KDM5A: variants seen among roughly 807,000 people sequenced by gnomAD.
The protein encoded by KDM5A is lysine-specific demethylase 5A.
Under a neutral mutation model 193.5 loss-of-function variants are expected in KDM5A, and 42 were observed. The ratio of observed to expected loss-of-function variants is 0.22; its 90% confidence interval spans 0.17 to 0.28. KDM5A has a LOEUF of 0.28. KDM5A is among the 10% of genes least tolerant of loss of function. The pLI, the probability that KDM5A is intolerant of heterozygous loss-of-function variation, is 1.00. For synonymous variants in KDM5A, 796 were observed against 718.1 expected (o/e 1.11, Z -1.73); for missense variants, 1,692 against 2,055.1 (o/e 0.82, Z 3.42).
chr12:386,233 T>C lies in KDM5A; in HGVS notation c.166-259A>G, dbSNP rs193242460. ...TTCCATATTTTGGAATATCTGCATA[T>C]ACATAATGAGATATCTTGGAGAAAG... On this transcript the variant is annotated intron_variant, in intron 1 of 27. Transcript: ENST00000399788. 5.9e-5 allele frequency among the ~76,000 whole-genome samples: 9 copies of C among 152,342 alleles called. No individual in the cohort carries two copies. In the East Asian group the frequency reaches 1.5e-3, roughly 26 times the overall value.
intron 3 of KDM5A, among the ~76,000 whole-genome samples, chr12:381,720 G>GT (rs1373695734): frequency 1.3e-5 from 2 of 152,182 alleles, no homozygotes; most frequent in Admixed American, 6.5e-5. Context: ...GTATTTTAGC[G>GT]TAAGACCGTA....
At chr12:296,211 C>T (rs2137370871) in intron 25 of KDM5A, among the ~76,000 whole-genome samples, 1 of 151,596 alleles carries the variant, frequency 6.6e-6, no homozygotes, top group South Asian at 2.1e-4. Context: ...ATCCCAGCTA[C>T]TCGGGAGGCT....
chr12:291,204 T>C (rs947201096), intron 27 of KDM5A, among the ~76,000 whole-genome samples: 7 of 152,104 alleles, frequency 4.6e-5, no homozygotes, highest in African/African-American at 1.7e-4. Flanking sequence ...ACAAACGCCA[T>C]AGAAAAAAAT....
At chr12:311,508 G>T (rs536012323) in intron 20 of KDM5A, among the ~76,000 whole-genome samples, 3 of 151,762 alleles carry the variant, frequency 2.0e-5, no homozygotes, top group Admixed American at 2.0e-4. Context: ...AATTACAGAG[G>T]AAACACATGA....
At chr12:330,288 T>C (rs543548513) in intron 13 of KDM5A, among the ~76,000 whole-genome samples, 2 of 152,278 alleles carry the variant, frequency 1.3e-5, no homozygotes, top group East Asian at 1.9e-4. Flanking sequence ...TGATTATCCA[T>C]TGTAACTTAT....
chr12:372,725 G>C (rs964994061), intron 3 of KDM5A, among the ~76,000 whole-genome samples: 6 of 152,092 alleles, frequency 3.9e-5, no homozygotes, highest in African/African-American at 1.2e-4. Flanking sequence ...ATTGGCTGTG[G>C]GTTTGTCATA....
Position 285,456 on chromosome 12 carries a change from C to A in KDM5A, c.5073G>T (p.Ter1691TyrextTer5). ...LPMEDLKETS[*>Y] The stretch of plus-strand genomic sequence containing the variant: ...ATGTCCCAAACTAACCAAGCATCTG[C>A]TAACTGGTCTCTTTAAGATCCTCCA... Residue 1691 changes from the stop codon to tyrosine, a stop_lost, in exon 28 of 28, where the codon TAG (stop) becomes TAT (tyrosine). Coordinates refer to ENST00000399788, the MANE Select transcript of KDM5A (RefSeq NM_001042603.3). The A allele has an allele frequency of 6.2e-7, 1 of 1,613,556 alleles. No individual in the cohort carries two copies. The highest frequency in any genetic ancestry group is 2.2e-5 in the East Asian group (1 of 44,868).
intron 3 of KDM5A, among the ~76,000 whole-genome samples, chr12:383,219 CT>C (rs35783919): frequency 0.69 from 101,304 of 147,690 alleles, 34,653 homozygotes; most frequent in Middle Eastern, 0.77. Flanking sequence ...CAAATTTTCT[CT>C]TTTTTTTTTT....
In KDM5A at chr12:356,504, G is replaced by A; in HGVS notation, c.706C>T (p.Leu236=). ...ESGDVSRNTE[L]KKLQIFGAGP... ...GCCCCAAAAATCTGAAGTTTCTTCA[G>A]TTCCGTGTTTCTACTCACATCTCCA... Residue 236 remains leucine, a synonymous_variant, in exon 6 of 28, where the codon CTG becomes TTG. Transcript: ENST00000399788. 6.2e-7 allele frequency: 1 copy of A among 1,613,498 alleles called. No individual in the cohort carries two copies. Among genetic ancestry groups the A allele is most frequent in the Non-Finnish European group, 8.5e-7 (1 of 1,179,462 alleles).
intron 4 of KDM5A, among the ~76,000 whole-genome samples, chr12:364,718 G>A (rs1488489229): frequency 6.8e-5 from 10 of 147,774 alleles, no homozygotes; most frequent in Admixed American, 1.4e-4. Context: ...CCAGGAGGCG[G>A]AGCTTGCAGC....
chr12:310,130 G>T (rs576012505), intron 21 of KDM5A, among the ~76,000 whole-genome samples, 166 bp from the exon 22 acceptor site: 1 of 152,216 alleles, frequency 6.6e-6, no homozygotes, highest in African/African-American at 2.4e-5. Flanking sequence ...TATGTAGTAG[G>T]TATTAATATC....
intron 3 of KDM5A, among the ~76,000 whole-genome samples, chr12:372,668 C>T (rs1295084598): frequency 6.6e-6 from 1 of 152,134 alleles, no homozygotes; most frequent in Admixed American, 6.6e-5. Context: ...CTGTATTGTA[C>T]TAGTTTTCAA....
intron 3 of KDM5A, among the ~76,000 whole-genome samples, chr12:376,111 A>C (rs1944500639): frequency 6.6e-6 from 1 of 152,236 alleles, no homozygotes; most frequent in African/African-American, 2.4e-5. Context: ...CAAGGCTGTC[A>C]GACAGGGACA....
chr12:384,435 C>T (rs1198093670), intron 2 of KDM5A, among the ~76,000 whole-genome samples: 1 of 152,156 alleles, frequency 6.6e-6, no homozygotes, highest in Admixed American at 6.5e-5. Context: ...ATCCCAAAAC[C>T]ATCCTCCATA....
rs140369556 is a variant in KDM5A, at chr12:282,731, A to C, written c.*2725T>G. On this transcript the variant is annotated 3_prime_UTR_variant, in exon 28 of 28. Coordinates refer to ENST00000399788, the MANE Select transcript of KDM5A (RefSeq NM_001042603.3). ...CAACTTCAGTTGCAGTTTAGAGGAG[A>C]TAAGGGTAGAAAGACATTTTAAATC... The C allele has an allele frequency of 1.7e-5, 4 of 232,840 alleles. No homozygotes were observed. Among genetic ancestry groups the C allele is most frequent in the Non-Finnish European group, 3.4e-5 (4 of 117,814 alleles). 14.4% of individuals were successfully genotyped at this position (232,840 alleles called of 1,614,324 possible).
At chr12:381,516 T>C (rs892173033) in intron 3 of KDM5A, among the ~76,000 whole-genome samples, 1 of 152,192 alleles carries the variant, frequency 6.6e-6, no homozygotes, top group African/African-American at 2.4e-5. Flanking sequence ...TTTGATTGAA[T>C]AAAAATTTCA....
chr12:304,530 G>C (rs999845715), intron 24 of KDM5A, among the ~76,000 whole-genome samples: 1 of 146,282 alleles, frequency 6.8e-6, no homozygotes, highest in Non-Finnish European at 1.5e-5. Flanking sequence ...TAGAGCATCT[G>C]ACTGCAAAGT....
chr12:337,831 T>A (rs552902138), intron 10 of KDM5A, among the ~76,000 whole-genome samples: 1 of 152,118 alleles, frequency 6.6e-6, no homozygotes, highest in Admixed American at 6.5e-5. Context: ...TCAGTAGAGA[T>A]GGGGTTTCAC....
Position 318,416 on chromosome 12 carries a change from C to T in KDM5A, c.2587G>A (p.Ala863Thr), listed in dbSNP as rs1178456466. ...VEEFHERAQEAMMDETPDSSK... is the reference protein window; with the variant it reads ...VEEFHERAQETMMDETPDSSK... ...GAATCTGGGGTTTCATCCATCATGG[C>T]CTCCTGAGCACGTTCATGAAACTCT... The change falls in exon 19 of 28, where the codon GCC becomes ACC. Residue 863 changes from alanine (A) to threonine (T), a missense_variant. Coordinates refer to ENST00000399788, the MANE Select transcript of KDM5A (RefSeq NM_001042603.3). 5.0e-6 allele frequency: 8 copies of T among 1,613,930 alleles called. No individual in the cohort carries two copies. Among genetic ancestry groups the T allele is most frequent in the African/African-American group, 1.3e-5 (1 of 74,920 alleles).
Sources: allele counts gnomAD v4.1 joint callset (sites outside exome capture counted in the v4.1 genomes callset), GRCh38; gene constraint gnomAD v4.1.1; transcripts MANE v1.5; gene names NCBI Gene and HGNC (gene_info 2026-07-23, HGNC 2026-07-21).